Variants in PTPRD observed in about 807,000 individuals in gnomAD.
PTPRD encodes protein tyrosine phosphatase receptor type D, also known as receptor-type tyrosine-protein phosphatase delta.
A neutral mutation model predicts 214.5 loss-of-function variants in PTPRD; 34 were observed. That is an observed-to-expected ratio of 0.16 (90% CI 0.12 to 0.21). The LOEUF (loss-of-function observed/expected upper bound fraction) is 0.21, where lower values mean the gene tolerates loss of function less well. PTPRD is among the 10% of genes least tolerant of loss of function. PTPRD has a pLI of 1.00. For missense variants in PTPRD, 2,545 were observed against 2,398.7 expected (o/e 1.06, Z -1.27); for synonymous variants, 1,128 against 845.7 (o/e 1.33, Z -5.79).
chr9:8,907,529 A>ATATATATAT (rs1555505700), intron 11 of PTPRD, among the ~76,000 whole-genome samples: 1 of 133,164 alleles, frequency 7.5e-6, no homozygotes, highest in East Asian at 2.6e-4. Context: ...AAAAAAAAAA[A>ATATATATAT]AAAAATATAT....
chr9:9,185,568 G>C (rs773250788), intron 9 of PTPRD, among the ~76,000 whole-genome samples: 1 of 152,060 alleles, frequency 6.6e-6, no homozygotes, highest in Non-Finnish European at 1.5e-5. Context: ...GACTTTAGAG[G>C]AGATGATCAG....
chr9:8,893,889 A>G (rs1410625119), intron 11 of PTPRD, among the ~76,000 whole-genome samples: 3 of 152,180 alleles, frequency 2.0e-5, no homozygotes, highest in Non-Finnish European at 4.4e-5. Flanking sequence ...GAAAAATTCA[A>G]ATCCCACAGA....
intron 5 of PTPRD, among the ~76,000 whole-genome samples, chr9:9,930,117 G>T (rs2085915868): frequency 6.6e-6 from 1 of 152,166 alleles, no homozygotes; most frequent in South Asian, 2.1e-4. Context: ...AGCTCCAGGA[G>T]TATCTACCTG....
At chr9:10,055,259 C>G (rs1800732348) in intron 3 of PTPRD, among the ~76,000 whole-genome samples, 1 of 152,140 alleles carries the variant, frequency 6.6e-6, no homozygotes. Flanking sequence ...TCTGGTGCGA[C>G]TTTTCTTTGA....
chr9:9,509,800 AT>A (rs1277779916), intron 8 of PTPRD, among the ~76,000 whole-genome samples: 1 of 70,332 alleles, frequency 1.4e-5, no homozygotes, highest in East Asian at 5.0e-4. Flanking sequence ...CTACCTTTTT[AT>A]TTAAAAAAAA....
In PTPRD at chr9:8,472,012, G is replaced by A. The variant is rs1423865759; in HGVS notation, c.3414-927C>T. 2.6e-5 allele frequency among the ~76,000 whole-genome samples: 4 copies of A among 152,132 alleles called. No individual in the cohort carries two copies. In the East Asian group the frequency reaches 7.8e-4, roughly 29 times the overall value. ...GGTATTATAGTAAATGCATAATCTGGTTTTGTCCTCCTACAGAGAAATTCT... is the reference window on the plus strand; with the variant it reads ...GGTATTATAGTAAATGCATAATCTGATTTTGTCCTCCTACAGAGAAATTCT... On this transcript the variant is annotated intron_variant, in intron 30 of 45. Coordinates refer to ENST00000381196, the MANE Select transcript of PTPRD (RefSeq NM_002839.4).
chr9:9,095,799 T>C (rs2154434724), intron 10 of PTPRD, among the ~76,000 whole-genome samples: 2 of 152,304 alleles, frequency 1.3e-5, no homozygotes, highest in Admixed American at 1.3e-4. Context: ...GATATTTTCA[T>C]TCCCATGTTC....
chr9:9,285,707 G>C (rs913456306), intron 9 of PTPRD, among the ~76,000 whole-genome samples: 1 of 151,646 alleles, frequency 6.6e-6, no homozygotes, highest in Non-Finnish European at 1.5e-5. Flanking sequence ...CTTGACCCCA[G>C]GCTTCCCCTC....
At chr9:8,528,878 G>T (rs143916439) in intron 14 of PTPRD, 99 bp from the exon 15 acceptor site, 6 of 1,161,106 alleles carry the variant, frequency 5.2e-6, no homozygotes, top group Middle Eastern at 2.9e-4. Context: ...CTCAGTGCTT[G>T]TTGAGAACCT....
intron 4 of PTPRD, among the ~76,000 whole-genome samples, chr9:9,976,236 C>A (rs989760888): frequency 1.3e-5 from 2 of 152,046 alleles, no homozygotes; most frequent in African/African-American, 4.8e-5. Context: ...AAAGGTCCCC[C>A]TCCCAGTTTA....
intron 5 of PTPRD, among the ~76,000 whole-genome samples, chr9:9,928,789 A>ACACAC (rs1408596519): frequency 2.1e-5 from 2 of 93,334 alleles, no homozygotes; most frequent in African/African-American, 8.5e-5. Context: ...CACACACACA[A>ACACAC]TTTGCATTTT....
At chr9:9,843,366 T>C (rs1403728647) in intron 5 of PTPRD, among the ~76,000 whole-genome samples, 1 of 152,038 alleles carries the variant, frequency 6.6e-6, no homozygotes, top group Non-Finnish European at 1.5e-5. Flanking sequence ...TTTTTAGCCA[T>C]AAATGCTAAG....
chr9:8,959,079 G>A (rs539473652), intron 11 of PTPRD, among the ~76,000 whole-genome samples: 1 of 151,998 alleles, frequency 6.6e-6, no homozygotes. Context: ...AGACATACTT[G>A]CTTTCATATT....
chr9:9,188,983 A>G (rs748558802), intron 9 of PTPRD, among the ~76,000 whole-genome samples: 4 of 152,104 alleles, frequency 2.6e-5, no homozygotes, highest in Admixed American at 6.6e-5. Flanking sequence ...CCACAAGAGT[A>G]GAAGCTAGCC....
At chr9:8,888,446 TA>T (rs751255354) in intron 11 of PTPRD, among the ~76,000 whole-genome samples, 2 of 152,130 alleles carry the variant, frequency 1.3e-5, no homozygotes, top group Admixed American at 6.5e-5. Context: ...TTGCCTTGAC[TA>T]AAAAGGTAAC....
intron 2 of PTPRD, among the ~76,000 whole-genome samples, chr9:10,394,957 C>CTTTTTTTTTTTTTTT (rs34786789): frequency 7.5e-5 from 10 of 133,178 alleles, no homozygotes; most frequent in East Asian, 2.4e-4. Flanking sequence ...TTTTCTTTTT[C>CTTTTTTTTTTTTTTT]TTTTTTTTTT....
intron 2 of PTPRD, among the ~76,000 whole-genome samples, chr9:10,446,417 C>CTTTTTT (rs34478548): frequency 2.8e-3 from 256 of 92,904 alleles, no homozygotes; most frequent in Non-Finnish European, 3.3e-3. Context: ...CTATTTTTTT[C>CTTTTTT]TTTTTTTTTT....
chr9:9,617,853 A>G (rs1443840555), intron 7 of PTPRD, among the ~76,000 whole-genome samples: 1 of 151,768 alleles, frequency 6.6e-6, no homozygotes, highest in Non-Finnish European at 1.5e-5. Context: ...CGGGCAGATC[A>G]CGAGGTCAGG....
intron 2 of PTPRD, among the ~76,000 whole-genome samples, chr9:10,574,080 A>G (rs1226666783): frequency 6.6e-6 from 1 of 152,194 alleles, no homozygotes; most frequent in Non-Finnish European, 1.5e-5. Context: ...AAATTCAAAT[A>G]GAGATTTAGA....
Sources: allele counts gnomAD v4.1 joint callset (sites outside exome capture counted in the v4.1 genomes callset), GRCh38; gene constraint gnomAD v4.1.1; transcripts MANE v1.5; gene names NCBI Gene and HGNC (gene_info 2026-07-23, HGNC 2026-07-21).